The following SEZ6 variants were observed in gnomAD, a reference collection of about 807,000 sequenced individuals.
The protein encoded by SEZ6 is seizure protein 6 homolog.
Under a neutral mutation model 101.0 loss-of-function variants are expected in SEZ6, and 53 were observed. The observed-to-expected ratio is 0.52, with a 90% CI of 0.42 to 0.66. SEZ6 has a LOEUF of 0.66. Ranked by LOEUF, SEZ6 falls within the 30% of genes least tolerant of loss-of-function variation. The pLI is 0.00. For missense variants in SEZ6, 1,102 were observed against 1,289.4 expected (o/e 0.85, Z 2.23); for synonymous variants, 488 against 512.2 (o/e 0.95, Z 0.64).
At position 28,957,153 on chromosome 17, in the gene SEZ6, T is replaced by C. The variant is rs781782678; in HGVS notation, c.2584A>G (p.Ile862Val). 1 of 1,613,804 alleles carries C rather than the reference T, an allele frequency of 6.2e-7. No homozygotes were observed. The highest frequency in any genetic ancestry group is 8.5e-7 in the Non-Finnish European group (1 of 1,179,782). The change falls in exon 13 of 17, where the codon ATC becomes GTC. Residue 862 changes from isoleucine to valine, a missense_variant. Transcript: ENST00000317338. Reference sequence around the variant, plus strand: ...TAGCCAGGGGCACACGAGAAGTGGATGGTGGCCCCTGCTGGGTGTAGCTGC... The same window carrying C: ...TAGCCAGGGGCACACGAGAAGTGGACGGTGGCCCCTGCTGGGTGTAGCTGC... Reference protein sequence around the residue: ...EKQLHPAGATIHFSCAPGYVL... With the variant: ...EKQLHPAGATVHFSCAPGYVL...
At chr17:28,963,306 C>T (rs1376139980) in intron 5 of SEZ6, among the ~76,000 whole-genome samples, 1 of 152,126 alleles carries the variant, frequency 6.6e-6, no homozygotes, top group African/African-American at 2.4e-5. Flanking sequence ...CTTCCCTCTG[C>T]TTCATTCCCC....
chr17:28,978,819 CAG>C (rs1427154410), intron 3 of SEZ6, among the ~76,000 whole-genome samples: 2 of 151,180 alleles, frequency 1.3e-5, no homozygotes, highest in African/African-American at 4.9e-5. Flanking sequence ...ACTGCATCAT[CAG>C]GGGAGGGATG....
At position 28,959,538 on chromosome 17, in the gene SEZ6, C is replaced by T. The variant is rs552434811; in HGVS notation, c.1772-66G>A. 35 of 1,578,048 alleles carry T rather than the reference C, an allele frequency of 2.2e-5. No individual in the cohort carries two copies. Among genetic ancestry groups the T allele is most frequent in the Admixed American group, 1.4e-4 (8 of 58,658 alleles). On this transcript the variant is annotated intron_variant, in intron 8 of 16. Transcript: ENST00000317338. This position sits in a 1 kb window ranked among gnomAD's most constrained non-coding sequence, Gnocchi z 4.4. ...ACCATGGTGTTGCTTACCATCTGCC[C>T]GCAGGAGTGCCCACAAATTGCTGGG...
chr17:28,955,808 G>T lies in SEZ6; in HGVS notation c.*154C>A. 2 of 893,872 alleles carry T rather than the reference G, an allele frequency of 2.2e-6. No individual in the cohort carries two copies. Among genetic ancestry groups the T allele is most frequent in the Non-Finnish European group, 1.8e-6 (1 of 550,624 alleles). The allele number at this position is 893,872 out of a possible 1,614,324, so 55.4% of individuals were successfully genotyped here. A position where few individuals can be genotyped will look rare whatever the true frequency, so the allele number is the denominator to read the frequency against. ...AGGCCATGGTGGGCATCGCAGGCGG[G>T]GAAGGGCACAACTTCTTGAGGGCTT... On this transcript the variant is annotated 3_prime_UTR_variant, in exon 17 of 17. Transcript: ENST00000317338.
At chr17:28,995,944 A>G (rs1406911318) in intron 1 of SEZ6, among the ~76,000 whole-genome samples, 2 of 150,924 alleles carry the variant, frequency 1.3e-5, no homozygotes, top group Non-Finnish European at 2.9e-5. Context: ...ACATCCTGAC[A>G]CTTTGAGCTC....
intron 3 of SEZ6, among the ~76,000 whole-genome samples, chr17:28,978,506 A>G (rs2041255785): frequency 6.6e-6 from 1 of 152,232 alleles, no homozygotes; most frequent in Non-Finnish European, 1.5e-5. Flanking sequence ...GGGTGATGCC[A>G]GGGCCAAGTC....
intron 3 of SEZ6, among the ~76,000 whole-genome samples, chr17:28,977,826 G>A (rs867810936): frequency 6.6e-6 from 1 of 152,172 alleles, no homozygotes; most frequent in Non-Finnish European, 1.5e-5. Context: ...AGCCACAGCC[G>A]GTGCCACCTC....
rs2040949776 is a variant in SEZ6, at chr17:28,959,934, A to G, written c.1577-42T>C. The G allele has an allele frequency of 1.3e-6, 2 of 1,564,660 alleles. No individual in the cohort carries two copies. The highest frequency in any genetic ancestry group is 1.7e-6 in the Non-Finnish European group (2 of 1,153,580). ...CCAGCCCAGCTCAGCCTTGACTGGTATTAAACACAGTGGGCAAGCATCCCC... is the reference window on the plus strand; with the variant it reads ...CCAGCCCAGCTCAGCCTTGACTGGTGTTAAACACAGTGGGCAAGCATCCCC... On this transcript the variant is annotated intron_variant, in intron 7 of 16. Coordinates refer to ENST00000317338, the MANE Select transcript of SEZ6 (RefSeq NM_178860.5). This position sits in a 1 kb window ranked among gnomAD's most constrained non-coding sequence, Gnocchi z 4.4.
At chr17:28,986,091 G>A (rs943619726) in intron 1 of SEZ6, among the ~76,000 whole-genome samples, 2 of 152,216 alleles carry the variant, frequency 1.3e-5, no homozygotes, top group African/African-American at 4.8e-5. Flanking sequence ...CCCCGCCGCC[G>A]CCTGGGCCCT....
chr17:28,983,876 G>A (rs1220673697), intron 1 of SEZ6, among the ~76,000 whole-genome samples: 1 of 152,100 alleles, frequency 6.6e-6, no homozygotes, highest in Non-Finnish European at 1.5e-5. Context: ...TAGATTGGCA[G>A]GCATGAGGAA....
In SEZ6 at chr17:28,959,841, C is replaced by G; in HGVS notation, c.1628G>C (p.Ser543Thr). The G allele has an allele frequency of 6.2e-7, 1 of 1,613,660 alleles. No homozygotes were observed. Among genetic ancestry groups the G allele is most frequent in the Non-Finnish European group, 8.5e-7 (1 of 1,179,764 alleles). ...YEPFVKYGNF[S>T]SSTPTYPVGT... Reference sequence around the variant, plus strand: ...CACAGGGTAGGTGGGTGTGCTGCTGCTGAAGTTACCGTATTTGACAAAGGG... The same window carrying G: ...CACAGGGTAGGTGGGTGTGCTGCTGGTGAAGTTACCGTATTTGACAAAGGG... Residue 543 changes from serine to threonine, a missense_variant, in exon 8 of 17, where the codon AGC (serine) becomes ACC (threonine). Physicochemically the swap from Ser to Thr is moderately conservative, Grantham distance 58 (BLOSUM62 1). Transcript: ENST00000317338. The surrounding 1 kb of genome is among the most constrained non-coding windows in gnomAD (Gnocchi z 4.4).
rs2040873234 is a variant in SEZ6, at chr17:28,956,079, C to G, written c.2952+80G>C. 5 of 1,595,016 alleles carry G rather than the reference C, an allele frequency of 3.1e-6. No homozygotes were observed. In the Admixed American group the frequency reaches 5.1e-5, roughly 16 times the overall value. ...AAAGGGAAAAAGTGAGAGGGCTTGG[C>G]AGGACCCTCAGGGTTATCTGCCCAA... On this transcript the variant is annotated intron_variant, in intron 16 of 16. Coordinates refer to ENST00000317338, the MANE Select transcript of SEZ6 (RefSeq NM_178860.5).
chr17:28,963,986 C>T lies in SEZ6; in HGVS notation c.1216G>A (p.Asp406Asn). ...CCGATGCAGACGGGCTCCTTTGAAT[C>T]CCAGAAGGGCTGGGTGGCATTGAGA... ...TCLNATQPFW[D>N]SKEPVCIAAC... The change falls in exon 5 of 17, where the codon GAT (aspartate) becomes AAT (asparagine). Residue 406 changes from aspartate (D) to asparagine (N), a missense_variant. Asp to Asn is a conservative substitution (Grantham distance 23, BLOSUM62 1). Transcript: ENST00000317338. The T allele has an allele frequency of 6.2e-7, 1 of 1,612,050 alleles. No individual in the cohort carries two copies. The highest frequency in any genetic ancestry group is 1.7e-5 in the Admixed American group (1 of 59,796).
chr17:28,989,131 C>A (rs577442361), intron 1 of SEZ6, among the ~76,000 whole-genome samples: 1 of 152,286 alleles, frequency 6.6e-6, no homozygotes, highest in East Asian at 1.9e-4. Context: ...TCATCCCACC[C>A]CTGACAAGCC....
chr17:28,979,445 G>C (rs2041267283), intron 3 of SEZ6, among the ~76,000 whole-genome samples: 1 of 152,210 alleles, frequency 6.6e-6, no homozygotes, highest in Admixed American at 6.5e-5. Flanking sequence ...TACTCACCCA[G>C]TCCCCTGCCC....
Position 28,959,033 on chromosome 17 carries a change from T to G in SEZ6, c.2099A>C (p.His700Pro). The change falls in exon 10 of 17, where the codon CAC becomes CCC. Residue 700 changes from histidine to proline, a missense_variant. Physicochemically the swap from His to Pro is moderately conservative, Grantham distance 77. This residue lies in a region of SEZ6 where 556 missense variants were observed against 735.1 expected (regional missense o/e 0.76). Coordinates refer to ENST00000317338, the MANE Select transcript of SEZ6 (RefSeq NM_178860.5). The surrounding 1 kb of genome is among the most constrained non-coding windows in gnomAD (Gnocchi z 4.4). ...VLGYQQGFVI[H>P]FFEVPRNDTC... is the part of the protein sequence containing the mutation. ...GGTAGGGACAAGCTCACCAAAGAAG[T>G]GGATGACGAAGCCCTGCTGGTAGCC... is the stretch of plus-strand genomic sequence containing the variant. 6.2e-7 allele frequency: 1 copy of G among 1,611,764 alleles called. No homozygotes were observed. The highest frequency in any genetic ancestry group is 8.5e-7 in the Non-Finnish European group (1 of 1,178,670).
intron 1 of SEZ6, among the ~76,000 whole-genome samples, chr17:28,993,040 G>A (rs143419606): frequency 6.6e-5 from 10 of 152,090 alleles, no homozygotes; most frequent in Non-Finnish European, 1.0e-4. Context: ...GGGGTTAGGT[G>A]AGAGGGAGGG....
Position 29,005,855 on chromosome 17 carries a change from G to A in SEZ6, c.15C>T (p.Ala5=), listed in dbSNP as rs1031777212. The change falls in exon 1 of 17, where the codon GCC becomes GCT. Residue 5 remains alanine (A), a synonymous_variant. Transcript: ENST00000317338. The surrounding 1 kb of genome is among the most constrained non-coding windows in gnomAD (Gnocchi z 4.8). ...CCAGCAGCGAGGGCAGGAGCAGCAG[G>A]GCTACCGGGCGCATGGTGCTGGTTG... is the stretch of plus-strand genomic sequence containing the variant. MRPV[A]LLLLPSLLAL... is the part of the protein sequence containing the mutation. 3 of 1,479,346 alleles carry A rather than the reference G, an allele frequency of 2.0e-6. No homozygotes were observed. The highest frequency in any genetic ancestry group is 2.7e-6 in the Non-Finnish European group (3 of 1,115,460). The allele number at this position is 1,479,346 out of a possible 1,614,324, so 91.6% of individuals were successfully genotyped here.
At chr17:28,976,352 G>A (rs1217142317) in intron 3 of SEZ6, among the ~76,000 whole-genome samples, 1 of 152,216 alleles carries the variant, frequency 6.6e-6, no homozygotes, top group Non-Finnish European at 1.5e-5. Context: ...CAAGGGCTGT[G>A]GTCTCATGCT....
Sources: gnomAD v4.1 joint callset for allele counts (sites outside exome capture counted in the v4.1 genomes callset) on GRCh38, gnomAD v4.1.1 for gene constraint, gnomAD v4.1.1 regional missense constraint, Gnocchi (gnomAD v3.1) non-coding constraint, MANE v1.5 for transcripts, NCBI Gene and HGNC (gene_info 2026-07-23, HGNC 2026-07-21) for gene names.